Variants in OSMR observed in about 807,000 individuals in gnomAD.
OSMR encodes the protein oncostatin M receptor.
In OSMR, 81 loss-of-function variants were observed where a neutral mutation model predicts 99.9. That is an observed-to-expected ratio of 0.81 (90% CI 0.68 to 0.97). The LOEUF (loss-of-function observed/expected upper bound fraction) is 0.97, where lower values mean the gene tolerates loss of function less well. Among genes scored for constraint, OSMR ranks in the 50% least tolerant of loss-of-function variants. The pLI is 0.00. For missense variants in OSMR, 1,099 were observed against 1,153.4 expected, an observed-to-expected ratio of 0.95 and a Z score of 0.68; for synonymous variants, 406 against 410.4, an observed-to-expected ratio of 0.99 and a Z score of 0.13.
intron 9 of OSMR, among the ~76,000 whole-genome samples, chr5:38,905,184 G>T (rs2112549300): frequency 6.6e-6 from 1 of 152,226 alleles, no homozygotes; most frequent in East Asian, 1.9e-4. Context: ...TGCAGTTACT[G>T]AATGGTACAG....
At chr5:38,904,195 T>C (rs111277887) in intron 8 of OSMR, 158 bp from the exon 9 acceptor site, 308 of 985,106 alleles carry the variant, frequency 3.1e-4, no homozygotes, top group Middle Eastern at 1.0e-3. Flanking sequence ...GGTTAGGAAA[T>C]GGGCCTTGAA....
chr5:38,853,752 G>A (rs925128780), intron 1 of OSMR, among the ~76,000 whole-genome samples: 21 of 152,196 alleles, frequency 1.4e-4, no homozygotes, highest in Middle Eastern at 3.4e-3. Flanking sequence ...TGAATGTTGC[G>A]TTTTTAAAAA....
intron 9 of OSMR, among the ~76,000 whole-genome samples, chr5:38,915,550 A>G (rs1184877333): frequency 6.6e-6 from 1 of 152,212 alleles, no homozygotes; most frequent in Non-Finnish European, 1.5e-5. Flanking sequence ...TTATGAAACT[A>G]ACAACTCTAT....
intron 1 of OSMR, chr5:38,941,843 T>C (rs754645404): frequency 3.4e-5 from 8 of 233,346 alleles, no homozygotes; most frequent in African/African-American, 4.4e-5. Context: ...ATTGTGGTAA[T>C]AGGATGCAGC....
chr5:38,944,384 T>C (rs1304128189), intron 2 of OSMR: 7 of 1,514,940 alleles, frequency 4.6e-6, no homozygotes, highest in Non-Finnish European at 6.3e-6. Context: ...GTATTTCAAG[T>C]ATCTTTTCTC....
In OSMR at chr5:38,876,210, A is replaced by T. The variant is rs946300200; in HGVS notation, c.83A>T (p.Glu28Val). The change falls in exon 3 of 18, where the codon GAA (glutamate) becomes GTA (valine). Residue 28 changes from glutamate to valine, a missense_variant. Glu to Val is a moderately radical substitution (Grantham distance 121). Transcript: ENST00000274276. ...LRTYQSEVLAERLPLTPVSLK... is the reference protein window; with the variant it reads ...LRTYQSEVLAVRLPLTPVSLK... Reference sequence around the variant, plus strand: ...ATTTTGATCTTTTCAGTCTTGGCTGAACGTTTACCATTGACTCCTGTATCA... The same window carrying T: ...ATTTTGATCTTTTCAGTCTTGGCTGTACGTTTACCATTGACTCCTGTATCA... The T allele has an allele frequency of 1.1e-5, 17 of 1,613,096 alleles. No homozygotes were observed. The highest frequency in any genetic ancestry group is 3.3e-5 in the Admixed American group (2 of 59,992).
At chr5:38,915,102 G>A (rs568340731) in intron 9 of OSMR, among the ~76,000 whole-genome samples, 1 of 152,298 alleles carries the variant, frequency 6.6e-6, no homozygotes, top group East Asian at 1.9e-4. Context: ...GAATGATGAA[G>A]TATTTGACTA....
chr5:38,872,686 A>C (rs1742478568), intron 2 of OSMR, among the ~76,000 whole-genome samples: 1 of 152,226 alleles, frequency 6.6e-6, no homozygotes, highest in Non-Finnish European at 1.5e-5. Context: ...TATAAAGAAG[A>C]AAATTAAGAT....
chr5:38,904,513 G>T lies in OSMR; in HGVS notation c.1285+10G>T. On this transcript the variant is annotated intron_variant, in intron 9 of 17. Transcript: ENST00000274276. ...ACCACACTTGAAGCTGGTATGTTCA[G>T]CCCCTGGCATTTAACCCAAAGAAGT... 3 of 1,614,166 alleles carry T rather than the reference G, an allele frequency of 1.9e-6. No individual in the cohort carries two copies. Among genetic ancestry groups the T allele is most frequent in the Non-Finnish European group, 2.5e-6 (3 of 1,180,028 alleles).
At chr5:38,917,415 A>G (rs939851792) in intron 9 of OSMR, 131 bp from the exon 10 acceptor site, 21 of 1,479,600 alleles carry the variant, frequency 1.4e-5, no homozygotes, top group Non-Finnish European at 1.7e-5. Flanking sequence ...AGTCATAGAG[A>G]GTGAAAACGG....
intron 1 of OSMR, among the ~76,000 whole-genome samples, chr5:38,848,310 G>T (rs1015385854): frequency 2.6e-4 from 40 of 152,292 alleles, no homozygotes; most frequent in African/African-American, 9.4e-4. Context: ...TCATGGCCTT[G>T]CTGGAGAAAT....
intron 1 of OSMR, among the ~76,000 whole-genome samples, chr5:38,853,430 C>T (rs1033433779): frequency 1.3e-5 from 2 of 152,098 alleles, no homozygotes; most frequent in Non-Finnish European, 2.9e-5. Context: ...TTGTCATTGG[C>T]CATATGGTTT....
chr5:38,847,735 T>C (rs1242933921), intron 1 of OSMR, among the ~76,000 whole-genome samples: 2 of 152,192 alleles, frequency 1.3e-5, no homozygotes, highest in African/African-American at 4.8e-5. Context: ...CCACCTCACA[T>C]TTTATTGTAG....
intron 3 of OSMR, among the ~76,000 whole-genome samples, chr5:38,880,221 G>A (rs910556647): frequency 1.1e-4 from 17 of 152,158 alleles, no homozygotes; most frequent in Admixed American, 7.8e-4. Context: ...GAAGGCATCC[G>A]AGTTGCTAAC....
At chr5:38,882,753 A>C (rs536599972) in intron 4 of OSMR, among the ~76,000 whole-genome samples, 12 of 152,340 alleles carry the variant, frequency 7.9e-5, no homozygotes, top group African/African-American at 2.2e-4. Context: ...ATAATAATTG[A>C]ATTAAATCTA....
At position 38,945,012 on chromosome 5, in the gene OSMR, C is replaced by T. The variant is rs1748017243; in HGVS notation, c.*153C>T. The stretch of plus-strand genomic sequence containing the variant: ...CCCGAAAACTTAGAGGGAACCACTT[C>T]TAAAGGATTATGGATAGTCTGCTCA... On this transcript the variant is annotated 3_prime_UTR_variant and NMD_transcript_variant, in exon 3 of 3. Transcript: ENST00000508882. The T allele has an allele frequency of 6.2e-6, 10 of 1,612,200 alleles. No homozygotes were observed. In the East Asian group the frequency reaches 2.2e-4, roughly 36 times the overall value.
Position 38,849,178 on chromosome 5 carries a change from C to G in OSMR, c.-14+2791C>G, listed in dbSNP as rs6888445. Among the ~76,000 whole-genome samples, 1,145 of 152,320 alleles carry G rather than the reference C, an allele frequency of 7.5e-3. 20 individuals are homozygous for G. Among genetic ancestry groups the G allele is most frequent in the African/African-American group, 0.024 (1,011 of 41,570 alleles). ...AGCAACGTTGCTTCAGAGCAGATCA[C>G]ACATTCATCTTCCTGCTCAAGTGTG... On this transcript the variant is annotated intron_variant, in intron 1 of 17. Transcript: ENST00000274276.
Position 38,904,023 on chromosome 5 carries a change from A to C in OSMR, c.1133A>C (p.Gln378Pro), listed in dbSNP as rs779200704. The change falls in exon 8 of 18, where the codon CAA becomes CCA. Residue 378 changes from glutamine to proline, a missense_variant and splice_region_variant. Coordinates refer to ENST00000274276, the MANE Select transcript of OSMR (RefSeq NM_003999.3). ...CTCCATGGTGAAGGAAAAATGATGC[A>C]AGTAAGAACCCTGCTTAATTTTCTA... ...IELHGEGKMM[Q>P]YNVSIKVNGE... is the part of the protein sequence containing the mutation. 1 of 1,614,012 alleles carries C rather than the reference A, an allele frequency of 6.2e-7. No homozygotes were observed. Among genetic ancestry groups the C allele is most frequent in the Non-Finnish European group, 8.5e-7 (1 of 1,179,964 alleles).
At chr5:38,853,328 C>T (rs1024515520) in intron 1 of OSMR, among the ~76,000 whole-genome samples, 9 of 152,118 alleles carry the variant, frequency 5.9e-5, no homozygotes, top group Non-Finnish European at 1.5e-5. Flanking sequence ...CTCATAAGCC[C>T]ATTTAATCCT....
Sources: gnomAD v4.1 joint callset for allele counts (sites outside exome capture counted in the v4.1 genomes callset) on GRCh38, gnomAD v4.1.1 for gene constraint, MANE v1.5 for transcripts, NCBI Gene and HGNC (gene_info 2026-07-23, HGNC 2026-07-21) for gene names.